The following TLE4 variants were observed in gnomAD, a reference collection of about 807,000 sequenced individuals.
TLE4 encodes TLE family member 4, transcriptional corepressor.
In TLE4, 8 loss-of-function variants were observed where a neutral mutation model predicts 92.8. That is an observed-to-expected ratio of 0.09 (90% CI 0.05 to 0.16). TLE4 has a LOEUF of 0.16. TLE4 is among the 10% of genes least tolerant of loss of function. TLE4 has a pLI of 1.00. For synonymous variants in TLE4, 371 were observed against 374.1 expected (o/e 0.99, Z 0.10); for missense variants, 675 against 997.6 (o/e 0.68, Z 4.36).
At chr9:79,596,606 A>C (rs1289409812) in intron 4 of TLE4, among the ~76,000 whole-genome samples, 1 of 150,030 alleles carries the variant, frequency 6.7e-6, no homozygotes, top group Non-Finnish European at 1.5e-5. Context: ...AGTATAAATT[A>C]GTAAGGGATG....
intron 3 of TLE4, among the ~76,000 whole-genome samples, chr9:79,575,392 A>G (rs1481382786): frequency 6.6e-6 from 1 of 152,172 alleles, no homozygotes; most frequent in East Asian, 1.9e-4. Flanking sequence ...GGAGTGATGG[A>G]TAAGGAAAGA....
In TLE4 at chr9:79,576,149, A is replaced by G. The variant is rs751156453; in HGVS notation, c.224A>G (p.Tyr75Cys). The change falls in exon 4 of 20, where the codon TAT becomes TGT. Residue 75 changes from tyrosine to cysteine, a missense_variant. Physicochemically the swap from Tyr to Cys is radical, Grantham distance 194. Coordinates refer to ENST00000376552, the MANE Select transcript of TLE4 (RefSeq NM_007005.6). ...RHYVMYYEMS[Y>C]GLNIEMHKQA... is the part of the protein sequence containing the mutation. ...CTTTGACAGTATTATGAAATGTCCT[A>G]TGGGTTGAATATAGAAATGCACAAG... 3 of 1,533,208 alleles carry G rather than the reference A, an allele frequency of 2.0e-6. No individual in the cohort carries two copies. Among genetic ancestry groups the G allele is most frequent in the Non-Finnish European group, 1.8e-6 (2 of 1,133,536 alleles). The allele number at this position is 1,533,208 out of a possible 1,614,324, so 95.0% of individuals were successfully genotyped here.
At chr9:79,635,187 G>C (rs554769094) in intron 6 of TLE4, among the ~76,000 whole-genome samples, 1 of 152,090 alleles carries the variant, frequency 6.6e-6, no homozygotes, top group Non-Finnish European at 1.5e-5. Flanking sequence ...GTGCATAATA[G>C]TACTTACTGT....
intron 6 of TLE4, among the ~76,000 whole-genome samples, chr9:79,649,129 G>A (rs1444175905): frequency 6.6e-6 from 1 of 152,110 alleles, no homozygotes; most frequent in African/African-American, 2.4e-5. Flanking sequence ...TTATAAGAAT[G>A]GTGGGCCTGC....
At chr9:79,634,388 G>A (rs2055154429) in intron 6 of TLE4, among the ~76,000 whole-genome samples, 1 of 152,140 alleles carries the variant, frequency 6.6e-6, no homozygotes, top group African/African-American at 2.4e-5. Flanking sequence ...TAAGAATGAA[G>A]CAGCATACAT....
Position 79,648,411 on chromosome 9 carries a change from A to T in TLE4, c.391-4182A>T, listed in dbSNP as rs2058433187. Among the ~76,000 whole-genome samples, 4 of 152,184 alleles carry T rather than the reference A, an allele frequency of 2.6e-5. No homozygotes were observed. The South Asian group carries it at 8.3e-4, about 31-fold the overall frequency. On this transcript the variant is annotated intron_variant, in intron 6 of 19. Coordinates refer to ENST00000376552, the MANE Select transcript of TLE4 (RefSeq NM_007005.6). ...GGCAGTATATGCCAGTGAATAATAC[A>T]GGGAGCCCTATAAGATGATGGACAC...
At chr9:79,639,253 TTTAAAAAAAA>T (rs1344741143) in intron 6 of TLE4, among the ~76,000 whole-genome samples, 1 of 152,068 alleles carries the variant, frequency 6.6e-6, no homozygotes, top group Non-Finnish European at 1.5e-5. Context: ...TAAAAATTCC[TTTAAAAAAAA>T]TTCAGGCCAT....
intron 4 of TLE4, among the ~76,000 whole-genome samples, chr9:79,598,114 T>TGGCATGTG: frequency 6.9e-6 from 1 of 145,768 alleles, no homozygotes. Context: ...CCAGGCGTGG[T>TGGCATGTG]GGCATGTGCC....
chr9:79,627,647 T>G, intron 6 of TLE4, 199 bp downstream of exon 6: 1 of 599,850 alleles, frequency 1.7e-6, no homozygotes, highest in Non-Finnish European at 3.0e-6. Flanking sequence ...CCAATTTAAG[T>G]GGATGTGTTC....
chr9:79,679,535 G>C (rs2064012901), intron 8 of TLE4, among the ~76,000 whole-genome samples: 1 of 152,068 alleles, frequency 6.6e-6, no homozygotes, highest in African/African-American at 2.4e-5. Flanking sequence ...CAGATGAGTA[G>C]GTTGAGAAAA....
chr9:79,679,277 A>T (rs11138323), intron 8 of TLE4, among the ~76,000 whole-genome samples: 69 of 152,050 alleles, frequency 4.5e-4, no homozygotes, highest in African/African-American at 1.6e-3. Flanking sequence ...CTCCTCTCCA[A>T]CACCTGTTGT....
Position 79,600,019 on chromosome 9 carries a change from A to G in TLE4, c.253-12637A>G, listed in dbSNP as rs753444351. Among the ~76,000 whole-genome samples, 289 of 152,336 alleles carry G rather than the reference A, an allele frequency of 1.9e-3. 1 individual carries two copies. The highest frequency in any genetic ancestry group is 6.8e-3 in the Middle Eastern group (2 of 294). ...ACCCCTCTGTCTTCATTCAGCATCT[A>G]CAATAGTCCTGACAAATAGTAAGTA... On this transcript the variant is annotated intron_variant, in intron 4 of 19. Coordinates refer to ENST00000376552, the MANE Select transcript of TLE4 (RefSeq NM_007005.6).
chr9:79,704,567 C>T, intron 8 of TLE4: 2 of 555,626 alleles, frequency 3.6e-6, no homozygotes, highest in Non-Finnish European at 3.1e-6. Flanking sequence ...TTCTTTCTTT[C>T]CCATTATCTT....
At chr9:79,573,032 A>G (rs2036294958) in intron 1 of TLE4, among the ~76,000 whole-genome samples, 197 bp downstream of exon 1, 1 of 151,898 alleles carries the variant, frequency 6.6e-6, no homozygotes, top group Middle Eastern at 3.4e-3. Flanking sequence ...GCGGAGAGGC[A>G]ATTGAGTTGT....
intron 8 of TLE4, among the ~76,000 whole-genome samples, chr9:79,676,689 G>A (rs984070759): frequency 4.6e-5 from 7 of 152,180 alleles, no homozygotes; most frequent in Middle Eastern, 3.4e-3. Context: ...CGTGGCCATC[G>A]TCTAGCCTTA....
At chr9:79,681,155 A>G (rs534694976) in intron 8 of TLE4, among the ~76,000 whole-genome samples, 4 of 152,220 alleles carry the variant, frequency 2.6e-5, no homozygotes, top group South Asian at 4.1e-4. Flanking sequence ...ATTTTTATTA[A>G]TACTTAGTAT....
chr9:79,597,901 A>T (rs1342710441), intron 4 of TLE4, among the ~76,000 whole-genome samples: 1 of 151,998 alleles, frequency 6.6e-6, no homozygotes, highest in Non-Finnish European at 1.5e-5. Context: ...GCGTTCCATG[A>T]ATGTTAGGAT....
At chr9:79,724,285 G>A (rs1435669580) in intron 19 of TLE4, among the ~76,000 whole-genome samples, 3 of 151,892 alleles carry the variant, frequency 2.0e-5, no homozygotes, top group Non-Finnish European at 2.9e-5. Flanking sequence ...GCTATTGTAA[G>A]GAAACTGAGG....
chr9:79,678,618 C>CT (rs55743621), intron 8 of TLE4, among the ~76,000 whole-genome samples: 78,022 of 148,594 alleles, frequency 0.53, 22,791 homozygotes, highest in East Asian at 0.71. Flanking sequence ...TATTGTTTTT[C>CT]TTTTTTTTTT....
Sources: gnomAD v4.1 joint callset for allele counts (sites outside exome capture counted in the v4.1 genomes callset) on GRCh38, gnomAD v4.1.1 for gene constraint, MANE v1.5 for transcripts, NCBI Gene and HGNC (gene_info 2026-07-23, HGNC 2026-07-21) for gene names.